The following RANBP17 variants were observed in gnomAD, a reference collection of about 807,000 sequenced individuals.
The protein encoded by RANBP17 is RAN binding protein 17.
In RANBP17, 158 loss-of-function variants were observed where a neutral mutation model predicts 141.2. The observed-to-expected ratio is 1.12, with a 90% CI of 0.98 to 1.28. The LOEUF (loss-of-function observed/expected upper bound fraction) is 1.28, where lower values mean the gene tolerates loss of function less well. Ranked by LOEUF, RANBP17 falls within the 50% of genes most tolerant of loss-of-function variation. RANBP17 has a pLI of 0.00. For missense variants in RANBP17, 1,438 were observed against 1,290.7 expected, an observed-to-expected ratio of 1.11 and a Z score of -1.75; for synonymous variants, 430 against 450.0, an observed-to-expected ratio of 0.96 and a Z score of 0.56.
At chr5:171,018,391 A>G (rs1780603017) in intron 14 of RANBP17, among the ~76,000 whole-genome samples, 1 of 152,084 alleles carries the variant, frequency 6.6e-6, no homozygotes, top group African/African-American at 2.4e-5. Context: ...ATCCGTGAGG[A>G]TGGAATGTTT....
chr5:171,195,719 A>T (rs568154331), intron 18 of RANBP17, among the ~76,000 whole-genome samples: 1 of 152,298 alleles, frequency 6.6e-6, no homozygotes, highest in African/African-American at 2.4e-5. Context: ...TTGGGAGTAA[A>T]GCAGACCTGA....
At chr5:170,941,672 A>G (rs1774335194) in intron 12 of RANBP17, among the ~76,000 whole-genome samples, 1 of 152,226 alleles carries the variant, frequency 6.6e-6, no homozygotes, top group South Asian at 2.1e-4. Context: ...AATGGTGCAT[A>G]TACAAAAAAC....
chr5:171,079,453 C>T (rs888568410), intron 14 of RANBP17, among the ~76,000 whole-genome samples: 1 of 152,178 alleles, frequency 6.6e-6, no homozygotes, highest in African/African-American at 2.4e-5. Context: ...AAGTCGTTCT[C>T]CTGTGGGTCA....
At chr5:171,127,708 C>G (rs769778332) in intron 14 of RANBP17, among the ~76,000 whole-genome samples, 14 of 152,072 alleles carry the variant, frequency 9.2e-5, no homozygotes, top group Non-Finnish European at 1.9e-4. Flanking sequence ...CAATAAATAA[C>G]AAATGCTGAA....
chr5:170,930,277 TA>T (rs1773242269), intron 12 of RANBP17, among the ~76,000 whole-genome samples: 2 of 151,996 alleles, frequency 1.3e-5, no homozygotes, highest in Admixed American at 1.3e-4. Flanking sequence ...ACTTTTCTAA[TA>T]AAAACATTTA....
intron 22 of RANBP17, among the ~76,000 whole-genome samples, chr5:171,230,801 T>C (rs2127989432): frequency 1.3e-5 from 2 of 152,240 alleles, no homozygotes; most frequent in East Asian, 1.9e-4. Context: ...CTTAAAGATA[T>C]ACATTCTTTA....
intron 14 of RANBP17, among the ~76,000 whole-genome samples, chr5:171,138,312 A>G (rs539563519): frequency 6.6e-6 from 1 of 152,214 alleles, no homozygotes; most frequent in Admixed American, 6.5e-5. Context: ...GCAGAGATAG[A>G]TGCTTGCTAG....
intron 25 of RANBP17, among the ~76,000 whole-genome samples, chr5:171,276,741 G>A (rs148458407): frequency 0.01 from 1,587 of 152,178 alleles, 33 homozygotes; most frequent in African/African-American, 0.037. Flanking sequence ...TATTTCATAA[G>A]GGAAGAAAGG....
At chr5:171,212,992 T>C (rs990884745) in intron 20 of RANBP17, among the ~76,000 whole-genome samples, 1 of 152,206 alleles carries the variant, frequency 6.6e-6, no homozygotes, top group African/African-American at 2.4e-5. Flanking sequence ...TGGGACTATC[T>C]TTAGTGACAC....
intron 14 of RANBP17, among the ~76,000 whole-genome samples, chr5:171,026,775 T>G (rs1385794958): frequency 6.6e-6 from 1 of 151,094 alleles, no homozygotes; most frequent in Non-Finnish European, 1.5e-5. Flanking sequence ...GATGAGAAAT[T>G]ATTCACAAAT....
chr5:171,018,716 A>G (rs948683570), intron 14 of RANBP17, among the ~76,000 whole-genome samples: 1 of 152,150 alleles, frequency 6.6e-6, no homozygotes, highest in Non-Finnish European at 1.5e-5. Context: ...AGACAATTTG[A>G]CTTCCTTTCT....
chr5:171,233,367 A>G (rs1441037479), intron 22 of RANBP17, among the ~76,000 whole-genome samples: 1 of 152,200 alleles, frequency 6.6e-6, no homozygotes, highest in East Asian at 1.9e-4. Flanking sequence ...AACTAAACAC[A>G]GTCATTGTAC....
intron 14 of RANBP17, among the ~76,000 whole-genome samples, chr5:171,022,651 G>A (rs1780950501): frequency 6.6e-6 from 1 of 152,188 alleles, no homozygotes; most frequent in Non-Finnish European, 1.5e-5. Flanking sequence ...GTCCCAGGAG[G>A]GGAAAAGTGC....
chr5:170,865,761 C>G (rs1021672853), intron 1 of RANBP17, among the ~76,000 whole-genome samples: 3 of 152,126 alleles, frequency 2.0e-5, no homozygotes, highest in Non-Finnish European at 2.9e-5. Context: ...GGGGGTTTCC[C>G]AAAACCACCC....
chr5:171,191,412 G>A (rs1262915124), intron 18 of RANBP17, among the ~76,000 whole-genome samples: 3 of 152,122 alleles, frequency 2.0e-5, no homozygotes, highest in Admixed American at 1.3e-4. Flanking sequence ...TCAGAGGCCG[G>A]GCGCAGTGGC....
At chr5:171,228,270 GT>G (rs1164315418) in intron 22 of RANBP17, among the ~76,000 whole-genome samples, 1 of 152,238 alleles carries the variant, frequency 6.6e-6, no homozygotes, top group South Asian at 2.1e-4. Flanking sequence ...TTTAGCGGGA[GT>G]TTGGAAGAAG....
rs556813499 is a variant in RANBP17, at chr5:170,934,035, T to C, written c.1468+9485T>C. 5.3e-5 allele frequency among the ~76,000 whole-genome samples: 8 copies of C among 152,272 alleles called. 1 individual carries two copies. The East Asian group carries it at 1.5e-3, about 29-fold the overall frequency. ...GGGGTTTTAAAATCTCCCATTATTATTGTACGGGAGTCTAAGTCTCTTTTT... is the reference window on the plus strand; with the variant it reads ...GGGGTTTTAAAATCTCCCATTATTACTGTACGGGAGTCTAAGTCTCTTTTT... On this transcript the variant is annotated intron_variant, in intron 12 of 27. Coordinates refer to ENST00000523189, the MANE Select transcript of RANBP17 (RefSeq NM_022897.5).
intron 22 of RANBP17, among the ~76,000 whole-genome samples, chr5:171,225,929 G>A (rs1763854087): frequency 6.6e-6 from 1 of 152,158 alleles, no homozygotes; most frequent in Admixed American, 6.6e-5. Flanking sequence ...TTACAGCTCA[G>A]GGTCAGCAAT....
chr5:171,142,202 A>G (rs1309166754), intron 14 of RANBP17, among the ~76,000 whole-genome samples: 2 of 152,138 alleles, frequency 1.3e-5, no homozygotes, highest in Non-Finnish European at 2.9e-5. Flanking sequence ...TGTGCTCTAT[A>G]TTTTTAGTAG....
Sources: allele counts gnomAD v4.1 joint callset (sites outside exome capture counted in the v4.1 genomes callset), GRCh38; gene constraint gnomAD v4.1.1; transcripts MANE v1.5; gene names NCBI Gene and HGNC (gene_info 2026-07-23, HGNC 2026-07-21).